The following TENM1 variants were observed in gnomAD, a reference collection of about 807,000 sequenced individuals.
TENM1 encodes the protein teneurin-1.
A neutral mutation model predicts 174.8 loss-of-function variants in TENM1; 35 were observed. The observed-to-expected ratio is 0.20, with a 90% CI of 0.15 to 0.27. The LOEUF (loss-of-function observed/expected upper bound fraction) is 0.27. TENM1 is among the 10% of genes least tolerant of loss of function. The pLI is 1.00. For missense variants in TENM1, 1,633 were observed against 2,130.1 expected, an observed-to-expected ratio of 0.77 and a Z score of 4.59; for synonymous variants, 781 against 798.7, an observed-to-expected ratio of 0.98 and a Z score of 0.37.
rs759312553 is a variant in TENM1 at position 124,386,121 on chromosome X, A to G, written c.5689-57T>C. ...ATGGACAACTAAAGTTGAGGCGACT[A>G]AAGAAAATACACATTCATCCATTCA... On this transcript the variant is annotated intron_variant, in intron 28 of 31. Transcript: ENST00000422452. 1.3e-4 allele frequency: 132 copies of G among 1,053,583 alleles called. 1 individual carries two copies. In the African/African-American group the frequency reaches 2.2e-3, roughly 17 times the overall value. 86.8% of individuals were successfully genotyped at this position (1,053,583 alleles called of 1,213,427 possible).
At chrX:124,885,217 T>C (rs1018960595) in intron 3 of TENM1, among the ~76,000 whole-genome samples, 1 of 110,348 alleles carries the variant, frequency 9.1e-6, no homozygotes, top group African/African-American at 3.3e-5. Flanking sequence ...TTATCTAGTA[T>C]CAGTGAGGGT....
Position 124,702,966 on chromosome X carries a change from T to C in TENM1, c.1015+2047A>G, listed in dbSNP as rs145586185. ...TGCTGAGATACAGCCATGAACAAAATTGTTAATTCTGGGAACTAGTGAATT... is the reference window on the plus strand; with the variant it reads ...TGCTGAGATACAGCCATGAACAAAACTGTTAATTCTGGGAACTAGTGAATT... On this transcript the variant is annotated intron_variant, in intron 5 of 31. Coordinates refer to ENST00000422452, the Ensembl canonical transcript of TENM1. Among the ~76,000 whole-genome samples the C allele has an allele frequency of 4.4e-3, 487 of 111,712 alleles. 1 individual carries two copies. The highest frequency in any genetic ancestry group is 0.015 in the African/African-American group (475 of 30,806).
the TENM1 span, among the ~76,000 whole-genome samples, chrX:125,130,277 T>A: frequency 2.7e-5 from 3 of 111,377 alleles, no homozygotes; most frequent in Non-Finnish European, 3.8e-5. Flanking sequence ...ATACAGGCAT[T>A]CTCTAAATTC....
intron 6 of TENM1, among the ~76,000 whole-genome samples, chrX:124,670,943 G>A (rs1287391917): frequency 1.8e-5 from 2 of 111,083 alleles, no homozygotes; most frequent in Non-Finnish European, 3.8e-5. Flanking sequence ...AATTTCTACC[G>A]TTTAAATTGA....
chrX:124,406,250 C>T lies in TENM1; in HGVS notation c.5155+67G>A, dbSNP rs147393727. On this transcript the variant is annotated intron_variant, in intron 26 of 31. Transcript: ENST00000422452. ...GTGAATTCTGTTTATGAATGGTGTACGCAGGTTTCAAGGTGGATGTTGACA... is the reference window on the plus strand; with the variant it reads ...GTGAATTCTGTTTATGAATGGTGTATGCAGGTTTCAAGGTGGATGTTGACA... The T allele has an allele frequency of 8.3e-4, 723 of 871,064 alleles. 3 individuals are homozygous for T. In the African/African-American group the frequency reaches 9.9e-3, roughly 12 times the overall value. 71.8% of individuals were successfully genotyped at this position (871,064 alleles called of 1,213,427 possible).
At chrX:124,380,454 G>A in exon 32 of TENM1, 1 of 968,670 alleles carries the variant, frequency 1.0e-6, no homozygotes, top group Non-Finnish European at 1.4e-6. Flanking sequence ...ACAGAGTTCT[G>A]ATCTAGAAAA....
At chrX:125,069,921 T>C in the TENM1 span, among the ~76,000 whole-genome samples, 1 of 111,087 alleles carries the variant, frequency 9.0e-6, no homozygotes, top group Non-Finnish European at 1.9e-5. Flanking sequence ...TTTTTTACTT[T>C]TTAGTAATAG....
At chrX:124,471,424 T>C (rs1314251479) in intron 22 of TENM1, among the ~76,000 whole-genome samples, 1 of 46,111 alleles carries the variant, frequency 2.2e-5, no homozygotes, top group African/African-American at 8.2e-5. Context: ...TAGTAATATA[T>C]TATATATTAT....
chrX:125,190,873 C>T, the TENM1 span, among the ~76,000 whole-genome samples: 1 of 111,238 alleles, frequency 9.0e-6, no homozygotes, highest in African/African-American at 3.3e-5. Context: ...ATTTTTAGCA[C>T]TTTTGCATAT....
intron 25 of TENM1, among the ~76,000 whole-genome samples, chrX:124,409,108 T>C (rs2060499976): frequency 1.8e-5 from 2 of 109,962 alleles, no homozygotes; most frequent in African/African-American, 6.6e-5. Context: ...TTTGCTATTG[T>C]GAATAGTGCC....
intron 1 of TENM1, among the ~76,000 whole-genome samples, chrX:124,935,703 A>G (rs914540673): frequency 1.1e-4 from 12 of 112,923 alleles, no homozygotes; most frequent in Non-Finnish European, 2.2e-4. Flanking sequence ...TGAAATTGCT[A>G]CATCATTGGC....
intron 21 of TENM1, among the ~76,000 whole-genome samples, chrX:124,483,936 C>T (rs1186739569): frequency 3.6e-5 from 4 of 111,821 alleles, no homozygotes; most frequent in African/African-American, 1.3e-4. Context: ...TAAATGAAGT[C>T]CATACTTATT....
At chrX:124,855,400 G>A (rs1052370916) in intron 3 of TENM1, among the ~76,000 whole-genome samples, 2 of 111,373 alleles carry the variant, frequency 1.8e-5, no homozygotes, top group South Asian at 3.7e-4. Context: ...TGACTTAAGT[G>A]TACTACTTTG....
At chrX:124,549,923 T>TC (rs1260628761) in intron 14 of TENM1, among the ~76,000 whole-genome samples, 8 of 107,248 alleles carry the variant, frequency 7.5e-5, no homozygotes, top group East Asian at 3.0e-4. Context: ...TTTTTTTTTT[T>TC]CTAATTGTTC....
chrX:124,678,226 A>C (rs1317498620), intron 5 of TENM1, among the ~76,000 whole-genome samples: 1 of 111,106 alleles, frequency 9.0e-6, no homozygotes, highest in African/African-American at 3.3e-5. Flanking sequence ...TCAACACATC[A>C]CTGGATGATC....
At chrX:124,754,195 T>A (rs1233174024) in intron 3 of TENM1, among the ~76,000 whole-genome samples, 1 of 111,431 alleles carries the variant, frequency 9.0e-6, no homozygotes, top group Non-Finnish European at 1.9e-5. Context: ...GAGATTCAAC[T>A]TCTTCCTGGT....
intron 5 of TENM1, among the ~76,000 whole-genome samples, chrX:124,687,006 A>G (rs768249530): frequency 3.6e-4 from 40 of 111,683 alleles, no homozygotes; most frequent in Non-Finnish European, 6.8e-4. Flanking sequence ...ATGATCCTAT[A>G]TTTAGAAAAC....
intron 3 of TENM1, among the ~76,000 whole-genome samples, chrX:124,757,446 C>T (rs765439266): frequency 2.0e-4 from 22 of 112,758 alleles, no homozygotes; most frequent in Middle Eastern, 4.6e-3. Context: ...TTGCGCTTCC[C>T]GAGTGAGGCA....
intron 4 of TENM1, among the ~76,000 whole-genome samples, chrX:124,714,424 T>A (rs762296444): frequency 1.7e-4 from 19 of 112,277 alleles, no homozygotes; most frequent in Non-Finnish European, 3.2e-4. Context: ...GGTAGTATGA[T>A]CTTCTTAATT....
Sources: allele counts gnomAD v4.1 joint callset (sites outside exome capture counted in the v4.1 genomes callset), GRCh38; gene constraint gnomAD v4.1.1; transcripts MANE v1.5; gene names NCBI Gene and HGNC (gene_info 2026-07-23, HGNC 2026-07-21).